The following SH3D19 variants were observed in gnomAD, a reference collection of about 807,000 sequenced individuals.
SH3D19 encodes the protein SH3 domain-containing protein 19.
A neutral mutation model predicts 112.1 loss-of-function variants in SH3D19; 58 were observed. The observed-to-expected ratio is 0.52, with a 90% CI of 0.42 to 0.64. The LOEUF is 0.64. Among genes scored for constraint, SH3D19 ranks in the 30% least tolerant of loss-of-function variants. The pLI, the probability that SH3D19 is intolerant of heterozygous loss-of-function variation, is 0.00. For missense variants in SH3D19, 1,090 were observed against 1,263.4 expected, an observed-to-expected ratio of 0.86 and a Z score of 2.08; for synonymous variants, 391 against 448.5, an observed-to-expected ratio of 0.87 and a Z score of 1.62.
At chr4:151,208,405 T>C (rs1412160028) in intron 2 of SH3D19, among the ~76,000 whole-genome samples, 1 of 152,228 alleles carries the variant, frequency 6.6e-6, no homozygotes, top group Non-Finnish European at 1.5e-5. Flanking sequence ...AGTTTCACTC[T>C]TGTTGCCCAG....
At chr4:151,225,676 A>C (rs142338308) in intron 2 of SH3D19, among the ~76,000 whole-genome samples, 2,117 of 152,266 alleles carry the variant, frequency 0.014, 49 homozygotes, top group African/African-American at 0.048. Context: ...ATATCTTTTA[A>C]ATTTCTACAG....
intron 1 of SH3D19, among the ~76,000 whole-genome samples, chr4:151,310,356 A>T (rs561472342): frequency 1.3e-5 from 2 of 152,278 alleles, no homozygotes; most frequent in East Asian, 3.9e-4. Flanking sequence ...CCTGGACAAC[A>T]CAGCAAGACC....
intron 1 of SH3D19, among the ~76,000 whole-genome samples, chr4:151,237,409 C>T (rs1008164799): frequency 5.9e-5 from 9 of 152,196 alleles, no homozygotes; most frequent in African/African-American, 1.9e-4. Flanking sequence ...AAGGTCAGCA[C>T]CAATTGCTTA....
chr4:151,323,129 A>T (rs1730716105), intron 1 of SH3D19, among the ~76,000 whole-genome samples: 1 of 152,204 alleles, frequency 6.6e-6, no homozygotes, highest in African/African-American at 2.4e-5. Context: ...AGTTACAAAA[A>T]TAAATAAATG....
intron 11 of SH3D19, 124 bp downstream of exon 11, chr4:151,147,798 G>T: frequency 8.0e-7 from 1 of 1,251,884 alleles, no homozygotes; most frequent in Non-Finnish European, 1.1e-6. Context: ...CTCATCTAAA[G>T]CACTCTTGGC....
At chr4:151,313,248 C>T (rs1015175240) in intron 1 of SH3D19, among the ~76,000 whole-genome samples, 14 of 151,888 alleles carry the variant, frequency 9.2e-5, no homozygotes, top group Non-Finnish European at 1.5e-4. Flanking sequence ...TACCAAACCA[C>T]GTTATAAAGT....
At chr4:151,294,574 A>G (rs531465841) in intron 1 of SH3D19, among the ~76,000 whole-genome samples, 1 of 152,354 alleles carries the variant, frequency 6.6e-6, no homozygotes, top group South Asian at 2.1e-4. Context: ...CAACAGATGC[A>G]CTCAGTGTTG....
chr4:151,126,176 G>C (rs887926867), intron 19 of SH3D19, among the ~76,000 whole-genome samples: 2 of 152,104 alleles, frequency 1.3e-5, no homozygotes, highest in Non-Finnish European at 2.9e-5. Flanking sequence ...CTCCTGCCTT[G>C]ACTTCCCAAA....
intron 1 of SH3D19, among the ~76,000 whole-genome samples, chr4:151,296,657 A>C (rs1775737587): frequency 6.6e-6 from 1 of 152,204 alleles, no homozygotes; most frequent in African/African-American, 2.4e-5. Context: ...AATGAATATA[A>C]ATTTGCAGAA....
intron 8 of SH3D19, among the ~76,000 whole-genome samples, chr4:151,162,305 C>T (rs752534045): frequency 1.3e-5 from 2 of 152,146 alleles, no homozygotes; most frequent in African/African-American, 2.4e-5. Context: ...GCTTCATCCA[C>T]GTCCCTGCAA....
intron 2 of SH3D19, among the ~76,000 whole-genome samples, chr4:151,190,285 A>G (rs1305592451): frequency 6.6e-6 from 1 of 152,188 alleles, no homozygotes; most frequent in Non-Finnish European, 1.5e-5. Flanking sequence ...ACAATGTGAT[A>G]AAAGAGAAAA....
chr4:151,133,834 G>A (rs767450711), intron 15 of SH3D19, among the ~76,000 whole-genome samples: 3 of 151,946 alleles, frequency 2.0e-5, no homozygotes, highest in Admixed American at 6.6e-5. Context: ...CCTTTAAAAG[G>A]GCTTCATTTC....
chr4:151,300,969 T>C (rs1176662861), intron 1 of SH3D19, among the ~76,000 whole-genome samples: 3 of 152,238 alleles, frequency 2.0e-5, no homozygotes, highest in African/African-American at 4.8e-5. Context: ...TTCACCCAGC[T>C]TTCTGGCTTG....
chr4:151,247,858 A>G (rs1771053336), intron 1 of SH3D19, among the ~76,000 whole-genome samples: 1 of 152,252 alleles, frequency 6.6e-6, no homozygotes, highest in Non-Finnish European at 1.5e-5. Flanking sequence ...CACAAATAGT[A>G]TAATTTTCTT....
intron 1 of SH3D19, among the ~76,000 whole-genome samples, chr4:151,281,321 C>T (rs1307871545): frequency 1.3e-5 from 2 of 152,080 alleles, no homozygotes; most frequent in South Asian, 2.1e-4. Context: ...AGAAGCAAAA[C>T]GTTTTATAAG....
intron 15 of SH3D19, 82 bp from the exon 16 acceptor site, chr4:151,133,318 A>G (rs1313194920): frequency 1.7e-6 from 2 of 1,151,856 alleles, no homozygotes; most frequent in African/African-American, 3.1e-5. Context: ...CTTTCAATAA[A>G]TATTTATTCT....
intron 14 of SH3D19, among the ~76,000 whole-genome samples, chr4:151,137,371 A>G (rs1752085062): frequency 6.6e-6 from 1 of 152,210 alleles, no homozygotes; most frequent in Admixed American, 6.5e-5. Flanking sequence ...ATAACCTCAG[A>G]GAACATCTCT....
At chr4:151,320,710 G>T (rs1298305706) in intron 1 of SH3D19, among the ~76,000 whole-genome samples, 2 of 151,894 alleles carry the variant, frequency 1.3e-5, no homozygotes, top group Non-Finnish European at 2.9e-5. Context: ...TAGGCAAAAT[G>T]CTGTGGTATA....
intron 1 of SH3D19, among the ~76,000 whole-genome samples, chr4:151,243,212 A>G (rs1171377516): frequency 1.3e-5 from 2 of 152,226 alleles, no homozygotes; most frequent in South Asian, 2.1e-4. Flanking sequence ...TAGAGCTGCA[A>G]TAAAGAATCT....
Sources: allele counts gnomAD v4.1 joint callset (sites outside exome capture counted in the v4.1 genomes callset), GRCh38; gene constraint gnomAD v4.1.1; transcripts MANE v1.5; gene names NCBI Gene and HGNC (gene_info 2026-07-23, HGNC 2026-07-21).